The following SLC6A5 variants were observed in gnomAD, a reference collection of about 807,000 sequenced individuals.
The protein encoded by SLC6A5 is solute carrier family 6 member 5.
SLC6A5 carries 58 observed loss-of-function variants against 90.5 expected under a neutral mutation model. That is an observed-to-expected ratio of 0.64 (90% CI 0.52 to 0.80). The LOEUF (loss-of-function observed/expected upper bound fraction) is 0.80. Among genes scored for constraint, SLC6A5 ranks in the 30% least tolerant of loss-of-function variants. The pLI, the probability that SLC6A5 is intolerant of heterozygous loss-of-function variation, is 0.00. For missense variants in SLC6A5, 1,015 were observed against 1,017.6 expected (o/e 1.00, Z 0.03); for synonymous variants, 427 against 401.4 (o/e 1.06, Z -0.76).
At chr11:20,638,415 G>A (rs1465665085) in intron 12 of SLC6A5, 44 bp from the exon 13 acceptor site, 2 of 1,207,120 alleles carry the variant, frequency 1.7e-6, no homozygotes, top group Admixed American at 1.7e-5. Context: ...AGACAGCCTG[G>A]CTTCAGGACG....
chr11:20,642,857 G>A (rs4923627), intron 13 of SLC6A5, among the ~76,000 whole-genome samples: 42,906 of 152,138 alleles, frequency 0.28, 6,597 homozygotes, highest in Non-Finnish European at 0.36. Flanking sequence ...GGAGGGTTGC[G>A]TGACAGGGGA....
At chr11:20,636,671 CTG>C (rs1853214265) in intron 11 of SLC6A5, among the ~76,000 whole-genome samples, 1 of 152,106 alleles carries the variant, frequency 6.6e-6, no homozygotes, top group South Asian at 2.1e-4. Context: ...AACTTTTAGC[CTG>C]TGTATCTCCT....
At chr11:20,605,708 C>A (rs1204248445) in intron 3 of SLC6A5, among the ~76,000 whole-genome samples, 2 of 152,240 alleles carry the variant, frequency 1.3e-5, no homozygotes, top group Non-Finnish European at 2.9e-5. Flanking sequence ...CTGCGAAGAG[C>A]GGCGGGGCAG....
chr11:20,631,910 C>T (rs188573202), intron 10 of SLC6A5, among the ~76,000 whole-genome samples: 45 of 152,278 alleles, frequency 3.0e-4, no homozygotes, highest in African/African-American at 9.9e-4. Flanking sequence ...TTCATTACTG[C>T]GCCAATTCAT....
At chr11:20,619,841 C>G (rs953541188) in intron 7 of SLC6A5, among the ~76,000 whole-genome samples, 3 of 152,174 alleles carry the variant, frequency 2.0e-5, no homozygotes, top group African/African-American at 7.2e-5. Flanking sequence ...AAAAAGAGAA[C>G]TGGGATTCAG....
intron 5 of SLC6A5, among the ~76,000 whole-genome samples, chr11:20,609,214 T>G (rs1852648398): frequency 6.6e-6 from 1 of 152,178 alleles, no homozygotes; most frequent in Admixed American, 6.5e-5. Flanking sequence ...TCACGCTGAT[T>G]GTTTCCTGCG....
rs1852482894 is a variant in SLC6A5 at position 20,601,677 on chromosome 11, G to A, written c.540+12G>A. ...CCGTTGCCACCCAGGTAAGCAGGTTGCATTACGGCCCGCACAGTGTCCTGC... is the reference window on the plus strand; with the variant it reads ...CCGTTGCCACCCAGGTAAGCAGGTTACATTACGGCCCGCACAGTGTCCTGC... On this transcript the variant is annotated intron_variant, in intron 2 of 15. Coordinates refer to ENST00000525748, the MANE Select transcript of SLC6A5 (RefSeq NM_004211.5). The A allele has an allele frequency of 6.2e-7, 1 of 1,611,738 alleles. No homozygotes were observed. Among genetic ancestry groups the A allele is most frequent in the Non-Finnish European group, 8.5e-7 (1 of 1,179,664 alleles).
chr11:20,645,719 A>G (rs1853401053), intron 13 of SLC6A5, among the ~76,000 whole-genome samples: 1 of 149,026 alleles, frequency 6.7e-6, no homozygotes, highest in Admixed American at 6.8e-5. Context: ...GCTCACTACA[A>G]GCTCTGCCTC....
intron 8 of SLC6A5, 56 bp from the exon 9 acceptor site, chr11:20,627,924 C>T: frequency 1.5e-6 from 2 of 1,341,490 alleles, no homozygotes; most frequent in Non-Finnish European, 2.1e-6. Context: ...TGACTCCTCT[C>T]CCCTGGCGCC....
At chr11:20,604,187 T>C in intron 2 of SLC6A5, 99 bp from the exon 3 acceptor site, 2 of 1,458,826 alleles carry the variant, frequency 1.4e-6, no homozygotes, top group Non-Finnish European at 1.9e-6. Context: ...AGTGGGAGCC[T>C]GCTTGCTGGG....
At chr11:20,630,260 A>C (rs1037265344) in intron 9 of SLC6A5, among the ~76,000 whole-genome samples, 17 of 152,182 alleles carry the variant, frequency 1.1e-4, no homozygotes, top group African/African-American at 3.9e-4. Flanking sequence ...ATGGTGGAAG[A>C]GGCAGACACA....
At chr11:20,622,873 G>C (rs1363902481) in intron 7 of SLC6A5, among the ~76,000 whole-genome samples, 1 of 152,218 alleles carries the variant, frequency 6.6e-6, no homozygotes, top group African/African-American at 2.4e-5. Flanking sequence ...TCCCCGTGCT[G>C]TTTTGGGGGC....
At chr11:20,621,838 T>C (rs1007058824) in intron 7 of SLC6A5, among the ~76,000 whole-genome samples, 3 of 152,236 alleles carry the variant, frequency 2.0e-5, no homozygotes, top group African/African-American at 7.2e-5. Context: ...GGTCTTCCTA[T>C]TTCACTGTTG....
chr11:20,654,689 T>C (rs747840160), intron 15 of SLC6A5, 24 bp from the exon 16 acceptor site: 2 of 1,613,930 alleles, frequency 1.2e-6, no homozygotes, highest in Non-Finnish European at 1.7e-6. Context: ...TCTGTGACCA[T>C]GTCTGTCTTT....
Position 20,601,547 on chromosome 11 carries a change from T to C in SLC6A5, c.422T>C (p.Leu141Pro), listed in dbSNP as rs147809509. 69 of 1,614,032 alleles carry C rather than the reference T, an allele frequency of 4.3e-5. No individual in the cohort carries two copies. Among genetic ancestry groups the C allele is most frequent in the Non-Finnish European group, 5.3e-5 (63 of 1,180,008 alleles). The change falls in exon 2 of 16, where the codon CTG becomes CCG. Residue 141 changes from leucine to proline, a missense_variant. Physicochemically the swap from Leu to Pro is moderately conservative, Grantham distance 98. Around this residue, in one of 3 missense-constraint regions of SLC6A5, gnomAD observed 567 missense variants for 507.3 expected, o/e 1.12. Transcript: ENST00000525748. ...DANVSVGKGT[L>P]ERNNTPVVGW... is the part of the protein sequence containing the mutation. ...AACGTGAGTGTGGGCAAGGGCACCC[T>C]GGAGCGGAACAATACCCCTGTTGTG... is the stretch of plus-strand genomic sequence containing the variant.
chr11:20,646,116 A>T (rs770855271), intron 13 of SLC6A5, among the ~76,000 whole-genome samples: 3 of 152,154 alleles, frequency 2.0e-5, no homozygotes, highest in African/African-American at 7.2e-5. Context: ...ATATTTCTCA[A>T]TGCCTTTTTC....
chr11:20,637,184 G>A lies in SLC6A5; in HGVS notation c.1750G>A (p.Glu584Lys). 1.9e-6 allele frequency: 3 copies of A among 1,613,804 alleles called. No homozygotes were observed. The highest frequency in any genetic ancestry group is 2.5e-6 in the Non-Finnish European group (3 of 1,179,882). The change falls in exon 12 of 16, where the codon GAG (glutamate) becomes AAG (lysine). Residue 584 changes from glutamate to lysine, a missense_variant. Transcript: ENST00000525748. ...GACACGGTTCCAGTTTGCCACCATCGAGACCATAGTGACCTCCATCTCAGA... is the reference window on the plus strand; with the variant it reads ...GACACGGTTCCAGTTTGCCACCATCAAGACCATAGTGACCTCCATCTCAGA... Reference protein sequence around the residue: ...LGLDTMFATIETIVTSISDEF... With the variant: ...LGLDTMFATIKTIVTSISDEF...
Position 20,614,833 on chromosome 11 carries a change from T to G in SLC6A5, c.1127+13T>G. On this transcript the variant is annotated intron_variant, in intron 6 of 15. Coordinates refer to ENST00000525748, the MANE Select transcript of SLC6A5 (RefSeq NM_004211.5). The stretch of plus-strand genomic sequence containing the variant: ...AAGAGTACTTCAAGTAAGATGACTT[T>G]CTTTTTCCTTTTTTACCTTCTAAGA... The G allele has an allele frequency of 2.5e-6, 4 of 1,609,582 alleles. No homozygotes were observed. The highest frequency in any genetic ancestry group is 2.6e-6 in the Non-Finnish European group (3 of 1,175,774).
At chr11:20,651,372 C>G (rs1211620989) in intron 14 of SLC6A5, among the ~76,000 whole-genome samples, 1 of 150,358 alleles carries the variant, frequency 6.7e-6, no homozygotes, top group Non-Finnish European at 1.5e-5. Flanking sequence ...CTCCCAGGTT[C>G]AAGCAATTCT....
Sources: gnomAD v4.1 joint callset for allele counts (sites outside exome capture counted in the v4.1 genomes callset) on GRCh38, gnomAD v4.1.1 for gene constraint, gnomAD v4.1.1 regional missense constraint, MANE v1.5 for transcripts, NCBI Gene and HGNC (gene_info 2026-07-23, HGNC 2026-07-21) for gene names.